Variants in DHX34 observed in about 807,000 individuals in gnomAD.
DHX34 encodes the protein DExH-box helicase 34, also known as probable ATP-dependent RNA helicase DHX34.
DHX34 carries 96 observed loss-of-function variants against 111.1 expected under a neutral mutation model. The ratio of observed to expected loss-of-function variants is 0.86; its 90% CI spans 0.73 to 1.02. The LOEUF (loss-of-function observed/expected upper bound fraction) is 1.02, where lower values mean the gene tolerates loss of function less well. Ranked by LOEUF, DHX34 falls within the 50% of genes least tolerant of loss-of-function variation. DHX34 has a pLI of 0.00. For synonymous variants in DHX34, 688 were observed against 670.4 expected (o/e 1.03, Z -0.41); for missense variants, 1,560 against 1,579.9 (o/e 0.99, Z 0.21).
At chr19:47,376,639 G>GGGTTCCCACA in intron 12 of DHX34, 79 bp downstream of exon 12, 1 of 1,510,296 alleles carries the variant, frequency 6.6e-7, no homozygotes, top group East Asian at 2.5e-5. Flanking sequence ...GGCCCCTCTG[G>GGGTTCCCACA]CTGGGGCTCC....
chr19:47,359,461 CAAAA>C (rs112009015), intron 4 of DHX34, among the ~76,000 whole-genome samples: 3 of 110,934 alleles, frequency 2.7e-5, no homozygotes, highest in Non-Finnish European at 3.8e-5. Context: ...GATCCTGTCT[CAAAA>C]AAAAAAAAAA....
chr19:47,363,336 C>A (rs1969692612), intron 6 of DHX34, among the ~76,000 whole-genome samples: 1 of 151,870 alleles, frequency 6.6e-6, no homozygotes, highest in Admixed American at 6.6e-5. Context: ...AGTGATCTTC[C>A]CACCTTGGCC....
At chr19:47,377,997 T>TA (rs1970224920) in intron 13 of DHX34, among the ~76,000 whole-genome samples, 3 of 152,070 alleles carry the variant, frequency 2.0e-5, no homozygotes, top group African/African-American at 7.2e-5. Flanking sequence ...TCTCCCTTTA[T>TA]AGAGGGGACT....
rs1970292930 is a variant in DHX34 at position 47,379,790 on chromosome 19, G to T, written c.2787G>T (p.Gln929His). The part of the protein sequence containing the change: ...RLVADGWLEL[Q>H]LADSESAIRL... ...TGGCCGATGGCTGGCTGGAGCTGCAGCTAGCAGACAGTGAAAGTGCCATCC... is the reference window on the plus strand; with the variant it reads ...TGGCCGATGGCTGGCTGGAGCTGCATCTAGCAGACAGTGAAAGTGCCATCC... Residue 929 changes from glutamine (Q) to histidine (H), a missense_variant, in exon 14 of 17, where the codon CAG becomes CAT. By Grantham distance (24) the Gln-to-His change is conservative (BLOSUM62 0). Transcript: ENST00000328771. 2 of 1,613,546 alleles carry T rather than the reference G, an allele frequency of 1.2e-6. 1 individual carries two copies. The highest frequency in any genetic ancestry group is 2.2e-5 in the South Asian group (2 of 91,080).
chr19:47,375,351 T>C, intron 9 of DHX34, 115 bp from the exon 10 acceptor site: 1 of 1,428,046 alleles, frequency 7.0e-7, no homozygotes, highest in South Asian at 1.5e-5. Flanking sequence ...CGAGGGGCTG[T>C]TTTCAGCCCC....
intron 6 of DHX34, among the ~76,000 whole-genome samples, chr19:47,365,661 T>A (rs540879954): frequency 6.6e-6 from 1 of 152,190 alleles, no homozygotes; most frequent in Non-Finnish European, 1.5e-5. Context: ...GAACTTCTAG[T>A]GCCCTCGGAT....
chr19:47,375,831 T>C, intron 10 of DHX34, 93 bp from the exon 11 acceptor site: 12 of 1,543,194 alleles, frequency 7.8e-6, no homozygotes, highest in Non-Finnish European at 1.0e-5. Context: ...GGACGGTGCT[T>C]GGTCCCAGGT....
intron 7 of DHX34, among the ~76,000 whole-genome samples, chr19:47,370,780 G>T (rs1220045063): frequency 6.6e-6 from 1 of 152,172 alleles, no homozygotes; most frequent in East Asian, 1.9e-4. Flanking sequence ...GGGTTCAAGT[G>T]ATCCTCCCAC....
intron 7 of DHX34, among the ~76,000 whole-genome samples, chr19:47,372,113 C>T (rs925317097): frequency 2.6e-5 from 4 of 151,260 alleles, no homozygotes; most frequent in East Asian, 2.0e-4. Flanking sequence ...CTGTGGCCTC[C>T]CCTCTGTCCT....
chr19:47,368,049 C>G (rs930330857), intron 7 of DHX34, among the ~76,000 whole-genome samples: 1 of 151,564 alleles, frequency 6.6e-6, no homozygotes, highest in Non-Finnish European at 1.5e-5. Flanking sequence ...CATACGACGT[C>G]TTGGAAATCT....
chr19:47,381,260 C>T lies in DHX34; in HGVS notation c.3234C>T (p.Leu1078=). ...CCCACTGTGGCCTGCATGCGCCCCTCACGCCCCTGGAGCGCATCGCCCATG... is the reference window on the plus strand; with the variant it reads ...CCCACTGTGGCCTGCATGCGCCCCTTACGCCCCTGGAGCGCATCGCCCATG... The part of the protein sequence containing the change: ...TCPHCGLHAP[L]TPLERIAHEN... The change falls in exon 16 of 17, where the codon CTC becomes CTT. Residue 1078 remains leucine, a synonymous_variant. Transcript: ENST00000328771. 6.2e-7 allele frequency: 1 copy of T among 1,614,106 alleles called. No homozygotes were observed. The highest frequency in any genetic ancestry group is 8.5e-7 in the Non-Finnish European group (1 of 1,179,962).
intron 12 of DHX34, chr19:47,376,819 G>A: frequency 6.6e-7 from 1 of 1,524,210 alleles, no homozygotes; most frequent in Non-Finnish European, 8.8e-7. Context: ...GCACCGGTCA[G>A]GGGGCCTGTC....
rs1477103196 is a variant in DHX34 at position 47,382,216 on chromosome 19, G to A, written c.*103G>A. 1 of 1,521,382 alleles carries A rather than the reference G, an allele frequency of 6.6e-7. No homozygotes were observed. Among genetic ancestry groups the A allele is most frequent in the African/African-American group, 1.4e-5 (1 of 72,010 alleles). 94.2% of individuals were successfully genotyped at this position (1,521,382 alleles called of 1,614,324 possible). A position where few individuals can be genotyped will look rare whatever the true frequency, so the allele number is the denominator to read the frequency against. On this transcript the variant is annotated 3_prime_UTR_variant, in exon 17 of 17. Transcript: ENST00000328771. The stretch of plus-strand genomic sequence containing the variant: ...GAACCCCCAGCCTGGGCTTAGCCCT[G>A]TGGTCCTGTCCCAGTGCAGAGGGCC...
intron 6 of DHX34, among the ~76,000 whole-genome samples, chr19:47,363,924 A>G (rs568700964): frequency 6.6e-6 from 1 of 152,234 alleles, no homozygotes; most frequent in Admixed American, 6.5e-5. Context: ...GGCTTTTAAA[A>G]CCAGGGTTTC....
intron 7 of DHX34, among the ~76,000 whole-genome samples, chr19:47,369,607 T>C (rs548413243): frequency 8.5e-5 from 13 of 152,150 alleles, no homozygotes; most frequent in Non-Finnish European, 1.8e-4. Flanking sequence ...TGTCAGCCGC[T>C]GATTGCTGCT....
At chr19:47,379,471 C>A in intron 13 of DHX34, 1 of 401,930 alleles carries the variant, frequency 2.5e-6, no homozygotes, top group Non-Finnish European at 3.4e-6. Flanking sequence ...TCTCTCCCAG[C>A]ACGCTCCCAT....
In DHX34 at chr19:47,355,034, C is replaced by G. The variant is rs1205789256; in HGVS notation, c.706-5C>G. ...TCTCCTGATCCTTTCTTTCTCCCAC[C>G]CCAGGTCGGCTACCAGATCCGCTTT... On this transcript the variant is annotated splice_region_variant and splice_polypyrimidine_tract_variant and intron_variant, in intron 2 of 16. Transcript: ENST00000328771. The G allele has an allele frequency of 6.2e-7, 1 of 1,613,090 alleles. No individual in the cohort carries two copies. The highest frequency in any genetic ancestry group is 1.7e-5 in the Admixed American group (1 of 59,996).
intron 1 of DHX34, among the ~76,000 whole-genome samples, chr19:47,351,576 C>A (rs1334336215): frequency 6.6e-6 from 1 of 152,114 alleles, no homozygotes; most frequent in Non-Finnish European, 1.5e-5. Flanking sequence ...CTAGTTATTT[C>A]TCTAGGATAG....
At chr19:47,350,673 G>T (rs182767111) in intron 1 of DHX34, among the ~76,000 whole-genome samples, 1 of 152,186 alleles carries the variant, frequency 6.6e-6, no homozygotes, top group Admixed American at 6.5e-5. Flanking sequence ...GCCTGCCTCA[G>T]CCTCCCAAAG....
Sources: allele counts gnomAD v4.1 joint callset (sites outside exome capture counted in the v4.1 genomes callset), GRCh38; gene constraint gnomAD v4.1.1; transcripts MANE v1.5; gene names NCBI Gene and HGNC (gene_info 2026-07-23, HGNC 2026-07-21).